Variants in KRT37 observed in about 807,000 individuals in gnomAD.
KRT37 encodes the protein keratin 37, also known as keratin, type I cuticular Ha7.
A neutral mutation model predicts 41.9 loss-of-function variants in KRT37; 38 were observed. The observed-to-expected ratio is 0.91, with a 90% CI of 0.70 to 1.19. The LOEUF is 1.19. KRT37 is among the 50% of genes most tolerant of loss of function. The pLI is 0.00. For missense variants in KRT37, 580 were observed against 575.5 expected, an observed-to-expected ratio of 1.01 and a Z score of -0.08; for synonymous variants, 252 against 243.4, an observed-to-expected ratio of 1.04 and a Z score of -0.33.
In KRT37 at chr17:41,424,134, T is replaced by C. The variant is rs771881436; in HGVS notation, c.390A>G (p.Ala130=). 23 of 1,614,140 alleles carry C rather than the reference T, an allele frequency of 1.4e-5. No homozygotes were observed. Among genetic ancestry groups the C allele is most frequent in the African/African-American group, 2.7e-5 (2 of 74,948 alleles). The change falls in exon 1 of 7, where the codon GCA becomes GCG. Residue 130 remains alanine (A), a synonymous_variant. Transcript: ENST00000225550. ...EKVRQLEQEN[A]ELETTLLERS... ...TCTCGAGGAGTGTGGTCTCCAGCTC[T>C]GCATTCTCCTGCTCCAGCTGGCGCA...
Sources: allele counts gnomAD v4.1 joint callset, GRCh38; gene constraint gnomAD v4.1.1; transcripts MANE v1.5; gene names NCBI Gene and HGNC (gene_info 2026-07-23, HGNC 2026-07-21).